CDCP2: variants seen among roughly 807,000 people sequenced by gnomAD.
CDCP2 encodes CUB domain containing protein 2, also known as CUB domain-containing protein 2.
Under a neutral mutation model 31.0 loss-of-function variants are expected in CDCP2, and 31 were observed. The observed-to-expected ratio is 1.00, with a 90% confidence interval of 0.75 to 1.35. The LOEUF (loss-of-function observed/expected upper bound fraction) is 1.35. CDCP2 is among the 40% of genes most tolerant of loss of function. The probability of loss-of-function intolerance (pLI) is 0.00; values close to 1 mark genes in which losing one functional copy is unlikely to be tolerated. For missense variants in CDCP2, 443 were observed against 482.6 expected (o/e 0.92, Z 0.77); for synonymous variants, 206 against 207.9 (o/e 0.99, Z 0.08).
Position 54,141,280 on chromosome 1 carries a change from C to A in CDCP2, c.581G>T (p.Gly194Val), listed in dbSNP as rs1022293566. The A allele has an allele frequency of 1.9e-6, 3 of 1,614,222 alleles. No individual in the cohort carries two copies. The highest frequency in any genetic ancestry group is 1.3e-5 in the African/African-American group (1 of 75,062). ...GTAGTCATAGGTGCACTCTTCATTGCCCTCCACCTGGAAGTCCACGAACAC... is the reference window on the plus strand; with the variant it reads ...GTAGTCATAGGTGCACTCTTCATTGACCTCCACCTGGAAGTCCACGAACAC... Residue 194 changes from glycine to valine, a missense_variant, in exon 3 of 6, where the codon GGC becomes GTC. Coordinates refer to ENST00000530059, the Ensembl canonical transcript of CDCP2.
chr1:54,145,643 C>T (rs1186885897), intron 1 of CDCP2, among the ~76,000 whole-genome samples: 1 of 152,076 alleles, frequency 6.6e-6, no homozygotes, highest in Non-Finnish European at 1.5e-5. Context: ...AAAATGTGCA[C>T]AGTCTACTAC....
At chr1:54,139,856 G>A in exon 4 of CDCP2, 1 of 1,614,086 alleles carries the variant, frequency 6.2e-7, no homozygotes, top group Non-Finnish European at 8.5e-7. Flanking sequence ...GTGGCAGGTG[G>A]TGTCCACACC....
chr1:54,137,890 T>A (rs895086307), intron 4 of CDCP2: 1 of 152,034 alleles, frequency 6.6e-6, no homozygotes, highest in Non-Finnish European at 1.5e-5. Flanking sequence ...CCCACGATGA[T>A]CTCGGTGGTG....
intron 5 of CDCP2, among the ~76,000 whole-genome samples, chr1:54,134,269 T>A (rs1659218769): frequency 6.6e-6 from 1 of 152,158 alleles, no homozygotes. Context: ...CCCGATGATA[T>A]CTGCAGTAGG....
chr1:54,134,689 T>C (rs955167111), intron 5 of CDCP2, among the ~76,000 whole-genome samples: 1 of 152,030 alleles, frequency 6.6e-6, no homozygotes, highest in Non-Finnish European at 1.5e-5. Flanking sequence ...GTTGAACAGG[T>C]GTCACAAATC....
At chr1:54,152,200 A>G (rs550264685) in intron 1 of CDCP2, among the ~76,000 whole-genome samples, 3 of 152,186 alleles carry the variant, frequency 2.0e-5, no homozygotes, top group African/African-American at 7.2e-5. Context: ...GCGGTGGCTC[A>G]TGCCTGTAAT....
chr1:54,144,703 C>T (rs201625460), exon 2 of CDCP2: 24 of 1,614,122 alleles, frequency 1.5e-5, no homozygotes, highest in Admixed American at 5.0e-5. Flanking sequence ...GAGGATCCCT[C>T]GGCCACCACG....
chr1:54,142,897 A>C (rs1659399349), intron 2 of CDCP2: 1 of 152,214 alleles, frequency 6.6e-6, no homozygotes, highest in Non-Finnish European at 1.5e-5. Context: ...GCTCTCTTTT[A>C]ATGTAATGAA....
At chr1:54,139,286 G>C in intron 4 of CDCP2, 2 of 528,886 alleles carry the variant, frequency 3.8e-6, no homozygotes, top group Non-Finnish European at 6.7e-6. Context: ...CAGCTGCCTA[G>C]CTCCAGGCTT....
At chr1:54,136,504 G>T in intron 5 of CDCP2, 126 bp downstream of exon 5, 1 of 398,148 alleles carries the variant, frequency 2.5e-6, no homozygotes, top group Non-Finnish European at 4.4e-6. Context: ...CCAAGAAGGG[G>T]TTAGCTCTGC....
exon 3 of CDCP2, chr1:54,141,380 A>G: frequency 6.2e-7 from 1 of 1,613,914 alleles, no homozygotes; most frequent in Non-Finnish European, 8.5e-7. Flanking sequence ...TTGTTGGGAT[A>G]CTCAGGACTG....
At chr1:54,150,838 T>C (rs151115899) in intron 1 of CDCP2, among the ~76,000 whole-genome samples, 1 of 152,332 alleles carries the variant, frequency 6.6e-6, no homozygotes, top group Non-Finnish European at 1.5e-5. Context: ...TCCTGAAGAA[T>C]ACACTTAACC....
chr1:54,144,158 A>T (rs1348249486), intron 2 of CDCP2: 1 of 269,308 alleles, frequency 3.7e-6, no homozygotes. Context: ...GAGCATTGCC[A>T]TGAAGGTGGG....
Position 54,139,619 on chromosome 1 carries a change from G to C in CDCP2, c.1117+134C>G, listed in dbSNP as rs1168680241. The C allele has an allele frequency of 1.9e-6, 3 of 1,602,466 alleles. No individual in the cohort carries two copies. The African/African-American group carries it at 4.2e-5, about 22-fold the overall frequency. On this transcript the variant is annotated intron_variant, in intron 4 of 5. Coordinates refer to ENST00000530059, the Ensembl canonical transcript of CDCP2. ...AGAGTGGGCAAGGGTGTAGCCAATG[G>C]AGAAGGAGCTGGAGAAGACCATTCA...
At chr1:54,145,626 C>G (rs1659455002) in intron 1 of CDCP2, among the ~76,000 whole-genome samples, 1 of 151,890 alleles carries the variant, frequency 6.6e-6, no homozygotes. Context: ...AATAACCTCC[C>G]CAAGTGAAAA....
chr1:54,134,829 G>A (rs1003210403), intron 5 of CDCP2, among the ~76,000 whole-genome samples: 5 of 151,982 alleles, frequency 3.3e-5, no homozygotes, highest in South Asian at 2.1e-4. Context: ...TCTGCCTCCC[G>A]GGTTCAAGCG....
chr1:54,141,765 T>C, intron 2 of CDCP2: 1 of 221,690 alleles, frequency 4.5e-6, no homozygotes, highest in Non-Finnish European at 8.9e-6. Context: ...AGATAAGGAT[T>C]TGAGTGCAAG....
At chr1:54,141,557 C>G in intron 2 of CDCP2, 124 bp from the exon 3 acceptor site, 2 of 783,458 alleles carry the variant, frequency 2.6e-6, no homozygotes, top group South Asian at 3.8e-5. Flanking sequence ...CATTACCATC[C>G]AGCAAGCACC....
At chr1:54,141,209 A>C in exon 3 of CDCP2, 2 of 1,611,566 alleles carry the variant, frequency 1.2e-6, no homozygotes, top group Non-Finnish European at 1.7e-6. Context: ...GTGCTGCCAC[A>C]GTAGTGGTGC....
Sources: gnomAD v4.1 joint callset for allele counts (sites outside exome capture counted in the v4.1 genomes callset) on GRCh38, gnomAD v4.1.1 for gene constraint, MANE v1.5 for transcripts, NCBI Gene and HGNC (gene_info 2026-07-23, HGNC 2026-07-21) for gene names.